The following FAF1 variants were observed in gnomAD, a reference collection of about 807,000 sequenced individuals.
FAF1 encodes Fas associated factor 1.
A neutral mutation model predicts 92.5 loss-of-function variants in FAF1; 25 were observed. The ratio of observed to expected loss-of-function variants is 0.27; its 90% CI spans 0.20 to 0.38. The LOEUF is 0.38. Ranked by LOEUF, FAF1 falls within the 10% of genes least tolerant of loss-of-function variation. The probability of loss-of-function intolerance (pLI) is 1.00; values close to 1 mark genes in which losing one functional copy is unlikely to be tolerated. For synonymous variants in FAF1, 234 were observed against 273.2 expected, an observed-to-expected ratio of 0.86 and a Z score of 1.42; for missense variants, 636 against 793.3, an observed-to-expected ratio of 0.80 and a Z score of 2.38.
At chr1:50,602,284 C>T (rs972736325) in intron 8 of FAF1, among the ~76,000 whole-genome samples, 1 of 152,176 alleles carries the variant, frequency 6.6e-6, no homozygotes, top group Non-Finnish European at 1.5e-5. Context: ...ATCGTCCTCA[C>T]AAGACACTGA....
rs780267103 is a variant in FAF1 at position 50,797,741 on chromosome 1, C to T, written c.161+3890G>A. 5.3e-5 allele frequency among the ~76,000 whole-genome samples: 8 copies of T among 152,256 alleles called. 1 individual carries two copies. The highest frequency in any genetic ancestry group is 4.8e-5 in the African/African-American group (2 of 41,574). On this transcript the variant is annotated intron_variant, in intron 3 of 18. Transcript: ENST00000396153. Reference sequence around the variant, plus strand: ...TAATGGGAAACTGGGCAAGGTGTCACGTGCCTGTAGACCCAGTTACTCAGG... The same window carrying T: ...TAATGGGAAACTGGGCAAGGTGTCATGTGCCTGTAGACCCAGTTACTCAGG...
intron 8 of FAF1, among the ~76,000 whole-genome samples, chr1:50,638,445 C>CT (rs35054798): frequency 0.073 from 9,661 of 131,560 alleles, 423 homozygotes; most frequent in Non-Finnish European, 0.1. Flanking sequence ...TTTTCTTTTT[C>CT]TTTTTTTTTT....
At chr1:50,470,937 A>AAATT (rs1348695779) in intron 18 of FAF1, 1 of 152,238 alleles carries the variant, frequency 6.6e-6, no homozygotes, top group African/African-American at 2.4e-5. Context: ...CAGCCTGCTG[A>AAATT]AATTACTTAT....
chr1:50,612,923 C>G lies in FAF1; in HGVS notation c.745-16707G>C, dbSNP rs114562560. On this transcript the variant is annotated intron_variant, in intron 8 of 18. Coordinates refer to ENST00000396153, the MANE Select transcript of FAF1 (RefSeq NM_007051.3). ...ATTAGTGTTTTGTGATTTAAAAGAA[C>G]TACAACTTTCATTGTATCTGTGTTT... 1.8e-4 allele frequency among the ~76,000 whole-genome samples: 28 copies of G among 152,336 alleles called. No individual in the cohort carries two copies. In the South Asian group the frequency reaches 4.6e-3, roughly 25 times the overall value.
chr1:50,619,349 G>A (rs1653083520), intron 8 of FAF1, among the ~76,000 whole-genome samples: 2 of 152,214 alleles, frequency 1.3e-5, no homozygotes, highest in African/African-American at 4.8e-5. Flanking sequence ...ATGTGCTTAA[G>A]TGTGTGTTTG....
intron 15 of FAF1, among the ~76,000 whole-genome samples, chr1:50,513,510 G>A (rs187382125): frequency 6.6e-6 from 1 of 152,114 alleles, no homozygotes; most frequent in Non-Finnish European, 1.5e-5. Flanking sequence ...GAATTCCCTA[G>A]CCCTAGGCCT....
At chr1:50,460,335 G>A (rs569364197) in intron 18 of FAF1, among the ~76,000 whole-genome samples, 1 of 152,136 alleles carries the variant, frequency 6.6e-6, no homozygotes, top group Admixed American at 6.6e-5. Flanking sequence ...AGTATATTTA[G>A]TGTCATGTTT....
At chr1:50,625,066 T>C (rs773018020) in intron 8 of FAF1, among the ~76,000 whole-genome samples, 13 of 151,920 alleles carry the variant, frequency 8.6e-5, no homozygotes, top group Admixed American at 1.3e-4. Context: ...CACGCCCAGC[T>C]AATTTTGTAT....
chr1:50,777,935 G>A (rs538325772), intron 4 of FAF1, among the ~76,000 whole-genome samples: 5 of 152,178 alleles, frequency 3.3e-5, no homozygotes, highest in South Asian at 2.1e-4. Flanking sequence ...ATATCTTCAC[G>A]CTATGATTCA....
chr1:50,463,303 G>T (rs1646455767), intron 18 of FAF1, among the ~76,000 whole-genome samples: 1 of 151,982 alleles, frequency 6.6e-6, no homozygotes, highest in African/African-American at 2.4e-5. Context: ...GTTGTGCCTG[G>T]TTTCCCCTGG....
At chr1:50,685,320 C>T (rs965626902) in intron 7 of FAF1, among the ~76,000 whole-genome samples, 9 of 152,176 alleles carry the variant, frequency 5.9e-5, no homozygotes, top group Non-Finnish European at 1.2e-4. Flanking sequence ...TTCATTCTCA[C>T]AAACAACATG....
intron 6 of FAF1, among the ~76,000 whole-genome samples, chr1:50,709,652 G>C (rs1175812588): frequency 7.2e-5 from 11 of 152,104 alleles, no homozygotes; most frequent in Admixed American, 7.2e-4. Flanking sequence ...ACCTATATTT[G>C]ATTCTATGTT....
At chr1:50,779,733 T>C (rs1219635695) in intron 4 of FAF1, among the ~76,000 whole-genome samples, 3 of 151,972 alleles carry the variant, frequency 2.0e-5, no homozygotes, top group African/African-American at 7.2e-5. Context: ...CAGCTTAAAA[T>C]AGATTCATAT....
intron 1 of FAF1, among the ~76,000 whole-genome samples, chr1:50,887,581 C>T (rs888920665): frequency 6.6e-6 from 1 of 152,160 alleles, no homozygotes; most frequent in African/African-American, 2.4e-5. Context: ...GATCCAGTTT[C>T]AGCTTTCTAC....
At chr1:50,701,416 A>T (rs1018788671) in intron 7 of FAF1, among the ~76,000 whole-genome samples, 1 of 151,948 alleles carries the variant, frequency 6.6e-6, no homozygotes, top group Non-Finnish European at 1.5e-5. Context: ...AAAAACACCC[A>T]ATACTTTAAA....
intron 1 of FAF1, among the ~76,000 whole-genome samples, chr1:50,916,829 GTATC>G (rs762821920): frequency 5.3e-5 from 8 of 152,192 alleles, no homozygotes; most frequent in Non-Finnish European, 8.8e-5. Context: ...AGTAAAGACA[GTATC>G]TATCCTATCC....
intron 15 of FAF1, among the ~76,000 whole-genome samples, chr1:50,515,650 A>G (rs1318779365): frequency 2.0e-5 from 3 of 152,188 alleles, no homozygotes; most frequent in Non-Finnish European, 4.4e-5. Context: ...CTAAATTGCA[A>G]ATCTAATCTT....
intron 4 of FAF1, among the ~76,000 whole-genome samples, chr1:50,751,861 A>C (rs1432865393): frequency 2.6e-5 from 4 of 152,212 alleles, no homozygotes; most frequent in Non-Finnish European, 5.9e-5. Flanking sequence ...GCAATGTTTC[A>C]TCTCTCTCTT....
chr1:50,856,613 A>C (rs2124664333), intron 2 of FAF1, among the ~76,000 whole-genome samples: 1 of 151,982 alleles, frequency 6.6e-6, no homozygotes, highest in Middle Eastern at 3.4e-3. Context: ...TAGTAAAACC[A>C]ATCTGGAAGT....
Sources: gnomAD v4.1 joint callset for allele counts (sites outside exome capture counted in the v4.1 genomes callset) on GRCh38, gnomAD v4.1.1 for gene constraint, MANE v1.5 for transcripts, NCBI Gene and HGNC (gene_info 2026-07-23, HGNC 2026-07-21) for gene names.